The following MGAM variants were observed in gnomAD, a reference collection of about 807,000 sequenced individuals.
The protein encoded by MGAM is maltase-glucoamylase, also known as alpha-1,4-glucosidase.
A neutral mutation model predicts 358.8 loss-of-function variants in MGAM; 253 were observed. That is an observed-to-expected ratio of 0.71 (90% CI 0.64 to 0.78). The LOEUF (loss-of-function observed/expected upper bound fraction) is 0.78, where lower values mean the gene tolerates loss of function less well. MGAM is among the 30% of genes least tolerant of loss of function. The pLI is 0.00. For synonymous variants in MGAM, 1,105 were observed against 1,227.1 expected (o/e 0.90, Z 2.08); for missense variants, 3,080 against 3,432.6 (o/e 0.90, Z 2.57).
rs765141814 is a variant in MGAM at position 142,068,620 on chromosome 7, C to CCTCA, written c.5005-25_5005-22dup. 4.7e-6 allele frequency: 7 copies of CCTCA among 1,493,354 alleles called. 3 individuals carry two copies. The highest frequency in any genetic ancestry group is 6.5e-6 in the Non-Finnish European group (7 of 1,078,238). The allele number at this position is 1,493,354 out of a possible 1,614,324, so 92.5% of individuals were successfully genotyped here. The stretch of plus-strand genomic sequence containing the variant: ...TCTGTCCTGGAAAATGGTGGCACTG[C>CCTCA]CTCACCTTGTTTGTGTTTCATTTTA... On this transcript the variant is annotated intron_variant, in intron 42 of 70. Transcript: ENST00000475668.
intron 34 of MGAM, among the ~76,000 whole-genome samples, chr7:142,061,919 A>G (rs1378753455): frequency 1.3e-5 from 2 of 152,212 alleles, no homozygotes; most frequent in Non-Finnish European, 2.9e-5. Flanking sequence ...CAATGTAGTT[A>G]AAAAGTTGTA....
At chr7:142,044,395 G>A (rs1036000518) in intron 21 of MGAM, among the ~76,000 whole-genome samples, 2 of 98,336 alleles carry the variant, frequency 2.0e-5, no homozygotes, top group African/African-American at 5.9e-5. Flanking sequence ...ATACACATAC[G>A]ATATATGATA....
chr7:142,063,716 G>C (rs1429144739), intron 36 of MGAM, 130 bp downstream of exon 36: 7 of 1,101,098 alleles, frequency 6.4e-6, no homozygotes, highest in African/African-American at 1.6e-5. Context: ...CTGGGGACCA[G>C]AGACAAAAGC....
chr7:142,063,405 A>T lies in MGAM; in HGVS notation c.4258-94A>T. Reference sequence around the variant, plus strand: ...GGCTGGCATCTACAGAGATTACTGGATGTTGAACAATTTATTCACTACTTC... The same window carrying T: ...GGCTGGCATCTACAGAGATTACTGGTTGTTGAACAATTTATTCACTACTTC... On this transcript the variant is annotated intron_variant, in intron 35 of 70. Transcript: ENST00000475668. The T allele has an allele frequency of 2.1e-6, 3 of 1,429,872 alleles. 1 individual carries two copies. The Admixed American group carries it at 5.9e-5, about 28-fold the overall frequency. The allele number at this position is 1,429,872 out of a possible 1,614,324, so 88.6% of individuals were successfully genotyped here. A position where few individuals can be genotyped will look rare whatever the true frequency, so the allele number is the denominator to read the frequency against.
At chr7:142,085,570 G>A (rs536937563) in intron 54 of MGAM, among the ~76,000 whole-genome samples, 1 of 146,052 alleles carries the variant, frequency 6.8e-6, no homozygotes, top group African/African-American at 2.4e-5. Flanking sequence ...TCCAGTGTTC[G>A]TATTTATCCT....
At chr7:141,993,101 G>A (rs1486999252), upstream of MGAM, among the ~76,000 whole-genome samples, 1 of 152,176 alleles carries the variant, frequency 6.6e-6, no homozygotes, top group South Asian at 2.1e-4. Context: ...ATCTGTCTAT[G>A]TCTACTGTGA....
intron 44 of MGAM, among the ~76,000 whole-genome samples, chr7:142,072,233 C>T (rs1813403453): frequency 6.8e-6 from 1 of 146,064 alleles, no homozygotes; most frequent in East Asian, 2.0e-4. Context: ...CTCTTATCTC[C>T]TGCCATACCT....
intron 16 of MGAM, 73 bp from the exon 17 acceptor site, chr7:142,036,096 G>A: frequency 1.8e-6 from 2 of 1,123,450 alleles, no homozygotes; most frequent in Non-Finnish European, 2.6e-6. Context: ...TCAGTTGGGA[G>A]GTCCCTGGTG....
intron 21 of MGAM, among the ~76,000 whole-genome samples, chr7:142,042,702 T>A (rs28970583): frequency 0.011 from 117 of 10,574 alleles, 2 homozygotes; most frequent in African/African-American, 0.017. Flanking sequence ...TGTATAATAT[T>A]ATATATAATA....
At position 142,030,653 on chromosome 7, in the gene MGAM, T is replaced by TC; in HGVS notation, c.1368dup (p.Asn457GlnfsTer7). The TC allele has an allele frequency of 1.2e-6, 2 of 1,612,354 alleles. No homozygotes were observed. The highest frequency in any genetic ancestry group is 1.7e-6 in the Non-Finnish European group (2 of 1,178,446). On this transcript the variant is annotated frameshift_variant, in exon 12 of 71. Coordinates refer to ENST00000475668, the MANE Select transcript of MGAM (RefSeq NM_001365693.1). LOFTEE classifies it high-confidence loss of function. ...TTCCTATTTTTAGGATCCAGCCATC[T>TC]CCAACAACTCTTCCTCAAGTAAACC...
At chr7:142,104,797 G>A (rs1168472075) in intron 70 of MGAM, among the ~76,000 whole-genome samples, 1 of 152,042 alleles carries the variant, frequency 6.6e-6, no homozygotes, top group Non-Finnish European at 1.5e-5. Context: ...CTGTACCTTG[G>A]GATTAATGCT....
At position 142,082,501 on chromosome 7, in the gene MGAM, C is replaced by T. The variant is rs1292886570; in HGVS notation, c.6198C>T (p.His2066=). ...PGYKKNSYGV[H]PYYMGLEEDG... Reference sequence around the variant, plus strand: ...ACAAGAAGAATTCCTATGGTGTCCACCCCTACTACATGGGGCTAGAGGAGG... The same window carrying T: ...ACAAGAAGAATTCCTATGGTGTCCATCCCTACTACATGGGGCTAGAGGAGG... Residue 2066 remains histidine (H), a synonymous_variant, in exon 52 of 71, where the codon CAC becomes CAT. Transcript: ENST00000475668. 3.3e-6 allele frequency: 5 copies of T among 1,534,400 alleles called. No individual in the cohort carries two copies. The highest frequency in any genetic ancestry group is 3.6e-6 in the Non-Finnish European group (4 of 1,121,138).
chr7:142,082,206 C>T lies in MGAM; in HGVS notation c.6167C>T (p.Pro2056Leu), dbSNP rs1387473193. The T allele has an allele frequency of 2.6e-6, 4 of 1,554,102 alleles. 1 individual carries two copies. The highest frequency in any genetic ancestry group is 1.3e-5 in the African/African-American group (1 of 74,460). The change falls in exon 51 of 71, where the codon CCA becomes CTA. Residue 2056 changes from proline (P) to leucine (L), a missense_variant. Coordinates refer to ENST00000475668, the MANE Select transcript of MGAM (RefSeq NM_001365693.1). Reference protein sequence around the residue: ...TWGMFSRDQPPGYKKNSYGVH... With the variant: ...TWGMFSRDQPLGYKKNSYGVH... Reference sequence around the variant, plus strand: ...GGGATGTTCTCCCGAGACCAGCCCCCAGGGGTAAGGACAGAGCATTTGAGA... The same window carrying T: ...GGGATGTTCTCCCGAGACCAGCCCCTAGGGGTAAGGACAGAGCATTTGAGA...
chr7:142,037,134 T>G (rs1808065398), intron 18 of MGAM, among the ~76,000 whole-genome samples, 157 bp downstream of exon 18: 1 of 152,210 alleles, frequency 6.6e-6, no homozygotes, highest in African/African-American at 2.4e-5. Flanking sequence ...CATTAATCTA[T>G]CTATCTATCT....
intron 34 of MGAM, among the ~76,000 whole-genome samples, chr7:142,060,826 T>G (rs1172323394): frequency 6.6e-6 from 1 of 152,108 alleles, no homozygotes; most frequent in Non-Finnish European, 1.5e-5. Context: ...ATCTTTCTTT[T>G]TTTCCCCATG....
chr7:142,053,203 G>T (rs980543056), intron 26 of MGAM, among the ~76,000 whole-genome samples: 1 of 152,182 alleles, frequency 6.6e-6, no homozygotes, highest in Non-Finnish European at 1.5e-5. Flanking sequence ...ATGGTTGGGA[G>T]AGCAAGAGTA....
Position 142,027,111 on chromosome 7 carries a change from C to T in MGAM, c.983-4C>T. 6.2e-7 allele frequency: 1 copy of T among 1,604,302 alleles called. No individual in the cohort carries two copies. ...TTTATTTTCTTCATTTTTAACCTTT[C>T]AAGAGGTTGTCCTTCAGCCTGCGCC... On this transcript the variant is annotated splice_polypyrimidine_tract_variant and splice_region_variant and intron_variant, in intron 8 of 70. Transcript: ENST00000475668.
At chr7:142,073,740 C>T (rs10231300) in intron 44 of MGAM, among the ~76,000 whole-genome samples, 1 of 146,156 alleles carries the variant, frequency 6.8e-6, no homozygotes, top group Non-Finnish European at 1.5e-5. Flanking sequence ...CTAAAGTGAT[C>T]TGACTGAACC....
chr7:142,036,123 G>A, intron 16 of MGAM, 46 bp from the exon 17 acceptor site: 2 of 1,351,072 alleles, frequency 1.5e-6, no homozygotes, highest in Non-Finnish European at 2.1e-6. Flanking sequence ...AAAGGAGGGT[G>A]GTTAGAAGGA....
Sources: allele counts gnomAD v4.1 joint callset (sites outside exome capture counted in the v4.1 genomes callset), GRCh38; gene constraint gnomAD v4.1.1; transcripts MANE v1.5; gene names NCBI Gene and HGNC (gene_info 2026-07-23, HGNC 2026-07-21).